Variants in HPGD observed in about 807,000 individuals in gnomAD.
HPGD encodes 15-hydroxyprostaglandin dehydrogenase [NAD(+)].
Under a neutral mutation model 30.0 loss-of-function variants are expected in HPGD, and 29 were observed. The ratio of observed to expected loss-of-function variants is 0.97; its 90% CI spans 0.72 to 1.32. HPGD has a LOEUF of 1.32. Among genes scored for constraint, HPGD ranks in the 40% most tolerant of loss-of-function variants. The pLI, the probability that HPGD is intolerant of heterozygous loss-of-function variation, is 0.00. For synonymous variants in HPGD, 99 were observed against 112.4 expected (o/e 0.88, Z 0.75); for missense variants, 340 against 322.1 (o/e 1.06, Z -0.43).
At position 174,496,705 on chromosome 4, in the gene HPGD, A is replaced by T. The variant is rs761778274; in HGVS notation, c.422-1081T>A. 6.6e-6 allele frequency among the ~76,000 whole-genome samples: 1 copy of T among 152,216 alleles called. No individual in the cohort carries two copies. The highest frequency in any genetic ancestry group is 2.4e-5 in the African/African-American group (1 of 41,460). On this transcript the variant is annotated intron_variant, in intron 4 of 6. Coordinates refer to ENST00000296522, the MANE Select transcript of HPGD (RefSeq NM_000860.6). The surrounding 1 kb of genome is among the most constrained non-coding windows in gnomAD (Gnocchi z 4.6). ...TAATACCAAATTATTCTGCTGAGAC[A>T]TGCTCATCTCCACCCAGCTAACTAT...
intron 4 of HPGD, among the ~76,000 whole-genome samples, chr4:174,497,558 C>CTTTT (rs1206407147): frequency 3.9e-5 from 2 of 50,712 alleles, no homozygotes; most frequent in African/African-American, 6.7e-5. Flanking sequence ...TCTTTTCTTT[C>CTTTT]TTTTTCTTTC....
At position 174,510,523 on chromosome 4, in the gene HPGD, C is replaced by T. The variant is rs888965466; in HGVS notation, c.325-1731G>A. 3.3e-5 allele frequency among the ~76,000 whole-genome samples: 5 copies of T among 152,052 alleles called. No homozygotes were observed. The East Asian group carries it at 5.8e-4, about 18-fold the overall frequency. On this transcript the variant is annotated intron_variant, in intron 3 of 6. Coordinates refer to ENST00000296522, the MANE Select transcript of HPGD (RefSeq NM_000860.6). ...TGCTGACACCCCACTGTTGTGTTTT[C>T]GACATGAACAAGATGAAGCCAGATA...
chr4:174,497,773 T>G (rs1734704101), intron 4 of HPGD, among the ~76,000 whole-genome samples: 1 of 151,764 alleles, frequency 6.6e-6, no homozygotes, highest in African/African-American at 2.4e-5. Context: ...AGATGGGGTT[T>G]CACCATGTTG....
chr4:174,519,063 TATTGGGGAA>T (rs1331816674), intron 2 of HPGD, among the ~76,000 whole-genome samples: 1 of 152,168 alleles, frequency 6.6e-6, no homozygotes, highest in Non-Finnish European at 1.5e-5. Context: ...CCACCAGACA[TATTGGGGAA>T]GACATGGATT....
At chr4:174,502,505 C>T (rs1281919448) in intron 4 of HPGD, among the ~76,000 whole-genome samples, 4 of 151,894 alleles carry the variant, frequency 2.6e-5, no homozygotes, top group South Asian at 2.1e-4. Flanking sequence ...GGTGAAACCC[C>T]GTCTCTACTA....
intron 4 of HPGD, among the ~76,000 whole-genome samples, chr4:174,505,201 C>T (rs1735123752): frequency 6.6e-6 from 1 of 152,204 alleles, no homozygotes; most frequent in African/African-American, 2.4e-5. Flanking sequence ...TCATTAACTT[C>T]TCTACTCAAA....
At chr4:174,502,013 G>A (rs550111599) in intron 4 of HPGD, among the ~76,000 whole-genome samples, 1 of 152,130 alleles carries the variant, frequency 6.6e-6, no homozygotes, top group Non-Finnish European at 1.5e-5. Flanking sequence ...ATATAAAAAT[G>A]CTGAAAATTC....
intron 4 of HPGD, among the ~76,000 whole-genome samples, chr4:174,503,202 T>G (rs1735007520): frequency 6.6e-6 from 1 of 151,950 alleles, no homozygotes; most frequent in South Asian, 2.1e-4. Flanking sequence ...CTCTGCAGAG[T>G]CCATTTGGGA....
chr4:174,507,186 C>A (rs748717998), intron 4 of HPGD: 1 of 151,966 alleles, frequency 6.6e-6, no homozygotes, highest in South Asian at 2.1e-4. Context: ...AAATATTGCC[C>A]GTGCGCTCAC....
chr4:174,493,519 AT>A lies in HPGD; in HGVS notation c.499-206del, dbSNP rs993505196. On this transcript the variant is annotated intron_variant, in intron 5 of 6. Transcript: ENST00000296522. ...AATTCCTGAAAATCTCACCTAATTAATTTTTTTTAAAAATCAGTATTACTGG... is the reference window on the plus strand; with the variant it reads ...AATTCCTGAAAATCTCACCTAATTAATTTTTTTAAAAATCAGTATTACTGG... 153 of 514,518 alleles carry A rather than the reference AT, an allele frequency of 3.0e-4. 2 individuals carry two copies. Among genetic ancestry groups the A allele is most frequent in the Middle Eastern group, 2.2e-3 (4 of 1,828 alleles). The allele number at this position is 514,518 out of a possible 1,614,324, so 31.9% of individuals were successfully genotyped here. A position where few individuals can be genotyped will look rare whatever the true frequency, so the allele number is the denominator to read the frequency against.
chr4:174,501,798 T>C (rs934308512), intron 4 of HPGD, among the ~76,000 whole-genome samples: 1 of 152,134 alleles, frequency 6.6e-6, no homozygotes, highest in Non-Finnish European at 1.5e-5. Flanking sequence ...AAAAAAAATG[T>C]AAATTCCATC....
chr4:174,519,875 C>T (rs989606857), intron 2 of HPGD, among the ~76,000 whole-genome samples: 13 of 152,146 alleles, frequency 8.5e-5, no homozygotes, highest in Admixed American at 1.3e-4. Context: ...CACACAGACG[C>T]GAGTGAAAGT....
intron 2 of HPGD, among the ~76,000 whole-genome samples, chr4:174,520,143 C>T (rs921081918): frequency 6.6e-6 from 1 of 151,988 alleles, no homozygotes; most frequent in Admixed American, 6.6e-5. Context: ...GTCTAATTGC[C>T]GCTTTAATTT....
intron 3 of HPGD, among the ~76,000 whole-genome samples, chr4:174,514,839 T>C (rs981676354): frequency 6.6e-6 from 1 of 152,132 alleles, no homozygotes; most frequent in African/African-American, 2.4e-5. Context: ...ATAACCAATG[T>C]ACAAAAATCA....
chr4:174,504,324 A>G (rs756067384), intron 4 of HPGD, among the ~76,000 whole-genome samples: 1 of 152,114 alleles, frequency 6.6e-6, no homozygotes. Context: ...ATTTTGTATG[A>G]TTTTTAAATA....
rs1368713049 is a variant in HPGD, at chr4:174,491,678, A to C, written c.*278T>G. ...AGCACAGATATAAATACACTTTCTGAAAGGCAGAATATTGAATATTCCTTG... is the reference window on the plus strand; with the variant it reads ...AGCACAGATATAAATACACTTTCTGCAAGGCAGAATATTGAATATTCCTTG... On this transcript the variant is annotated 3_prime_UTR_variant, in exon 7 of 7. Coordinates refer to ENST00000296522, the MANE Select transcript of HPGD (RefSeq NM_000860.6). 1 of 376,422 alleles carries C rather than the reference A, an allele frequency of 2.7e-6. No individual in the cohort carries two copies. The highest frequency in any genetic ancestry group is 4.9e-6 in the Non-Finnish European group (1 of 202,360). 23.3% of individuals were successfully genotyped at this position (376,422 alleles called of 1,614,324 possible). A position where few individuals can be genotyped will look rare whatever the true frequency, so the allele number is the denominator to read the frequency against.
At chr4:174,522,208 T>G in intron 1 of HPGD, 141 bp from the exon 2 acceptor site, 15 of 1,435,456 alleles carry the variant, frequency 1.0e-5, no homozygotes, top group Admixed American at 1.7e-5. Context: ...TTCTGAGGTG[T>G]GCTCACAGCC....
In HPGD at chr4:174,490,639, A is replaced by T. The variant is rs899151744; in HGVS notation, c.*1317T>A. ...TCTAGACCAGAGTTATTAATATTCA[A>T]ATTACTCCTTAAAAGTGAAGGCAAT... On this transcript the variant is annotated 3_prime_UTR_variant, in exon 7 of 7. Transcript: ENST00000296522. This position sits in a 1 kb window ranked among gnomAD's most constrained non-coding sequence, Gnocchi z 4.4. 1 of 152,314 alleles carries T rather than the reference A, an allele frequency of 6.6e-6. No individual in the cohort carries two copies. Among genetic ancestry groups the T allele is most frequent in the African/African-American group, 2.4e-5 (1 of 41,450 alleles). The allele number at this position is 152,314 out of a possible 1,614,324, so 9.4% of individuals were successfully genotyped here.
chr4:174,497,559 T>TTTTC (rs1734658380), intron 4 of HPGD, among the ~76,000 whole-genome samples: 2 of 95,208 alleles, frequency 2.1e-5, no homozygotes, highest in Admixed American at 1.2e-4. Flanking sequence ...CTTTTCTTTC[T>TTTTC]TTTTCTTTCT....
Sources: gnomAD v4.1 joint callset for allele counts (sites outside exome capture counted in the v4.1 genomes callset) on GRCh38, gnomAD v4.1.1 for gene constraint, Gnocchi (gnomAD v3.1) non-coding constraint, MANE v1.5 for transcripts, NCBI Gene and HGNC (gene_info 2026-07-23, HGNC 2026-07-21) for gene names.